SPOCK3: variants seen among roughly 807,000 people sequenced by gnomAD.
SPOCK3 encodes the protein SPARC (osteonectin), cwcv and kazal like domains proteoglycan 3.
SPOCK3 carries 30 observed loss-of-function variants against 56.6 expected under a neutral mutation model. That is an observed-to-expected ratio of 0.53 (90% CI 0.40 to 0.72). SPOCK3 has a LOEUF of 0.72. Among genes scored for constraint, SPOCK3 ranks in the 30% least tolerant of loss-of-function variants. The pLI is 0.00. For synonymous variants in SPOCK3, 196 were observed against 183.3 expected (o/e 1.07, Z -0.56); for missense variants, 527 against 530.0 (o/e 0.99, Z 0.06).
chr4:167,075,124 T>C (rs981187344), intron 2 of SPOCK3, among the ~76,000 whole-genome samples: 16 of 151,930 alleles, frequency 1.1e-4, no homozygotes, highest in Non-Finnish European at 2.4e-4. Flanking sequence ...ATGCCCGTAC[T>C]ATTTGGCAGC....
intron 8 of SPOCK3, among the ~76,000 whole-genome samples, chr4:166,746,528 A>T (rs1735636734): frequency 6.6e-6 from 1 of 152,192 alleles, no homozygotes; most frequent in Admixed American, 6.5e-5. Flanking sequence ...CACAAGAGAA[A>T]GCAGGAAAGA....
At chr4:167,062,353 T>C in intron 3 of SPOCK3, 139 bp downstream of exon 3, 1 of 517,202 alleles carries the variant, frequency 1.9e-6, no homozygotes, top group Non-Finnish European at 3.4e-6. Context: ...ATGTAAGTAA[T>C]TATTGCACAA....
intron 9 of SPOCK3, among the ~76,000 whole-genome samples, chr4:166,738,180 A>C (rs1007825222): frequency 6.6e-6 from 1 of 152,020 alleles, no homozygotes; most frequent in African/African-American, 2.4e-5. Flanking sequence ...CACAATTTAA[A>C]GTCTTCCTCA....
intron 2 of SPOCK3, among the ~76,000 whole-genome samples, chr4:167,068,092 A>G (rs1013893262): frequency 5.4e-5 from 5 of 92,970 alleles, no homozygotes; most frequent in African/African-American, 1.2e-4. Flanking sequence ...ATAAAATGCT[A>G]AAAAGAATAA....
intron 4 of SPOCK3, among the ~76,000 whole-genome samples, chr4:166,998,224 G>A (rs1748590599): frequency 6.6e-6 from 1 of 152,056 alleles, no homozygotes; most frequent in African/African-American, 2.4e-5. Flanking sequence ...ATCAGAAATA[G>A]AACAGGACTA....
chr4:167,138,442 T>G (rs190111909), intron 2 of SPOCK3, among the ~76,000 whole-genome samples: 2 of 151,978 alleles, frequency 1.3e-5, no homozygotes, highest in African/African-American at 4.8e-5. Context: ...TACAGAGACT[T>G]TTAGAGGTGA....
In SPOCK3 at chr4:166,976,064, C is replaced by G. The variant is rs140676205; in HGVS notation, c.350+24285G>C. On this transcript the variant is annotated intron_variant, in intron 4 of 10. Coordinates refer to ENST00000357545, the MANE Select transcript of SPOCK3 (RefSeq NM_001040159.2). The stretch of plus-strand genomic sequence containing the variant: ...GCATAGAAATCTTGATCTTAATATG[C>G]CCTGAAGTGAGGGTCTATTCAACCC... Among the ~76,000 whole-genome samples the G allele has an allele frequency of 3.1e-3, 470 of 151,890 alleles. 4 individuals are homozygous for G. The highest frequency in any genetic ancestry group is 0.011 in the African/African-American group (445 of 41,432).
intron 4 of SPOCK3, among the ~76,000 whole-genome samples, chr4:166,949,026 G>C (rs978860193): frequency 4.6e-5 from 7 of 152,086 alleles, no homozygotes; most frequent in African/African-American, 7.2e-5. Flanking sequence ...ATATTTCTTG[G>C]AGGCTTTGTT....
At chr4:166,980,467 C>T (rs1746449835) in intron 4 of SPOCK3, among the ~76,000 whole-genome samples, 1 of 152,216 alleles carries the variant, frequency 6.6e-6, no homozygotes, top group Non-Finnish European at 1.5e-5. Context: ...TGGTATCAGC[C>T]TTTGCCCAAG....
At chr4:166,754,895 A>G (rs1736873579) in intron 7 of SPOCK3, among the ~76,000 whole-genome samples, 166 bp from the exon 8 acceptor site, 1 of 152,156 alleles carries the variant, frequency 6.6e-6, no homozygotes, top group Non-Finnish European at 1.5e-5. Context: ...TGAAGTGGAT[A>G]TAGTAGTATC....
intron 2 of SPOCK3, among the ~76,000 whole-genome samples, chr4:167,159,113 T>C (rs1297962706): frequency 6.6e-6 from 1 of 152,004 alleles, no homozygotes; most frequent in Non-Finnish European, 1.5e-5. Context: ...TGTGAATCCT[T>C]TATAATCTGA....
intron 4 of SPOCK3, among the ~76,000 whole-genome samples, chr4:166,976,296 T>A (rs1427629): frequency 0.95 from 143,989 of 152,228 alleles, 68,605 homozygotes; most frequent in East Asian, 1. Context: ...AAGTATTTCA[T>A]AAGCTCAATT....
chr4:166,749,809 T>C (rs10003311), intron 8 of SPOCK3, among the ~76,000 whole-genome samples: 122,363 of 151,966 alleles, frequency 0.81, 49,512 homozygotes, highest in African/African-American at 0.84. Context: ...AATCATATTG[T>C]ATAGTTTTTT....
At chr4:166,882,093 T>C (rs751878843) in intron 6 of SPOCK3, among the ~76,000 whole-genome samples, 17 of 152,178 alleles carry the variant, frequency 1.1e-4, no homozygotes, top group Non-Finnish European at 2.4e-4. Context: ...AATTATTATT[T>C]GTCTCCTTCC....
At chr4:166,856,883 C>G (rs923597596) in intron 6 of SPOCK3, among the ~76,000 whole-genome samples, 4 of 151,886 alleles carry the variant, frequency 2.6e-5, no homozygotes, top group Non-Finnish European at 4.4e-5. Context: ...GAGTGTCTTG[C>G]CCATTAGTAG....
intron 2 of SPOCK3, among the ~76,000 whole-genome samples, chr4:167,156,691 T>C (rs1764845035): frequency 6.6e-6 from 1 of 152,154 alleles, no homozygotes. Flanking sequence ...ATTTCCCTAT[T>C]TTATGTAAAA....
chr4:166,773,562 C>T (rs1336460707), intron 7 of SPOCK3, among the ~76,000 whole-genome samples: 1 of 152,078 alleles, frequency 6.6e-6, no homozygotes, highest in Non-Finnish European at 1.5e-5. Flanking sequence ...CATTTTACAA[C>T]ATTCTATTAT....
chr4:166,770,762 T>A (rs1738829266), intron 7 of SPOCK3, among the ~76,000 whole-genome samples: 1 of 152,152 alleles, frequency 6.6e-6, no homozygotes, highest in African/African-American at 2.4e-5. Flanking sequence ...CTCAATGCTA[T>A]GCTGTCTCTA....
intron 4 of SPOCK3, among the ~76,000 whole-genome samples, chr4:166,983,828 T>A (rs762229801): frequency 2.6e-5 from 4 of 152,028 alleles, no homozygotes; most frequent in Non-Finnish European, 4.4e-5. Flanking sequence ...AAGACTATAG[T>A]AGCCTTCATT....
Sources: allele counts gnomAD v4.1 joint callset (sites outside exome capture counted in the v4.1 genomes callset), GRCh38; gene constraint gnomAD v4.1.1; transcripts MANE v1.5; gene names NCBI Gene and HGNC (gene_info 2026-07-23, HGNC 2026-07-21).